Variants in MYO1E observed in about 807,000 individuals in gnomAD.
The protein encoded by MYO1E is unconventional myosin-Ie.
MYO1E carries 68 observed loss-of-function variants against 151.1 expected under a neutral mutation model. The observed-to-expected ratio is 0.45, with a 90% CI of 0.37 to 0.55. MYO1E has a LOEUF of 0.55. MYO1E is among the 20% of genes least tolerant of loss of function. The probability of loss-of-function intolerance (pLI) is 0.00; values close to 1 mark genes in which losing one functional copy is unlikely to be tolerated. For synonymous variants in MYO1E, 601 were observed against 501.7 expected (o/e 1.20, Z -2.64); for missense variants, 1,363 against 1,389.3 (o/e 0.98, Z 0.30).
chr15:59,284,550 A>G (rs1393895505), intron 1 of MYO1E, among the ~76,000 whole-genome samples: 1 of 151,818 alleles, frequency 6.6e-6, no homozygotes, highest in African/African-American at 2.4e-5. Context: ...CCAGGGCTCA[A>G]TTAATCCTCC....
intron 22 of MYO1E, among the ~76,000 whole-genome samples, chr15:59,165,040 C>T (rs1347866448): frequency 1.3e-5 from 2 of 152,228 alleles, no homozygotes; most frequent in Admixed American, 1.3e-4. Context: ...AAAGAAAAGA[C>T]TGGGCCTTCA....
intron 7 of MYO1E, among the ~76,000 whole-genome samples, chr15:59,225,220 T>C (rs1316423828): frequency 6.6e-6 from 1 of 152,268 alleles, no homozygotes; most frequent in Non-Finnish European, 1.5e-5. Flanking sequence ...TGGTACTCTT[T>C]GCCTTCTTTA....
chr15:59,229,833 T>C (rs978303279), intron 6 of MYO1E, among the ~76,000 whole-genome samples: 1 of 152,154 alleles, frequency 6.6e-6, no homozygotes, highest in Non-Finnish European at 1.5e-5. Context: ...CAAACTTTGA[T>C]TTACATACCT....
At chr15:59,234,109 G>T (rs1479607862) in intron 5 of MYO1E, among the ~76,000 whole-genome samples, 1 of 152,036 alleles carries the variant, frequency 6.6e-6, no homozygotes, top group Non-Finnish European at 1.5e-5. Flanking sequence ...AGAGAAAGAG[G>T]CCACTTTAAG....
chr15:59,303,872 G>C (rs1230868327), intron 1 of MYO1E, among the ~76,000 whole-genome samples: 1 of 151,972 alleles, frequency 6.6e-6, no homozygotes, highest in Non-Finnish European at 1.5e-5. Context: ...GGAATATAAT[G>C]GCCCGTTTCC....
chr15:59,310,915 T>C (rs1267837747), intron 1 of MYO1E, among the ~76,000 whole-genome samples: 1 of 152,132 alleles, frequency 6.6e-6, no homozygotes, highest in Non-Finnish European at 1.5e-5. Context: ...GTAGGACAAA[T>C]TCCAAGCAAG....
intron 18 of MYO1E, among the ~76,000 whole-genome samples, chr15:59,180,222 CAT>C (rs1455634423): frequency 3.3e-5 from 5 of 152,192 alleles, no homozygotes; most frequent in Admixed American, 1.3e-4. Flanking sequence ...GAATAACATT[CAT>C]ATATGTTATA....
intron 1 of MYO1E, among the ~76,000 whole-genome samples, chr15:59,317,827 T>C (rs1361866023): frequency 6.6e-6 from 1 of 152,060 alleles, no homozygotes; most frequent in East Asian, 1.9e-4. Flanking sequence ...TCAGGAACTT[T>C]TCTAAGTCCT....
At chr15:59,180,137 T>C (rs755058729) in intron 18 of MYO1E, among the ~76,000 whole-genome samples, 9 of 152,196 alleles carry the variant, frequency 5.9e-5, no homozygotes, top group Non-Finnish European at 1.3e-4. Context: ...CCTAGAGAGG[T>C]AAATCCTCCT....
At chr15:59,178,055 G>A (rs1347567579) in intron 19 of MYO1E, among the ~76,000 whole-genome samples, 1 of 152,208 alleles carries the variant, frequency 6.6e-6, no homozygotes, top group Non-Finnish European at 1.5e-5. Context: ...TGAGGCTTTG[G>A]GTATATAAAC....
chr15:59,191,330 G>C (rs913108214), intron 17 of MYO1E, among the ~76,000 whole-genome samples: 8 of 126,494 alleles, frequency 6.3e-5, no homozygotes, highest in Non-Finnish European at 1.3e-4. Flanking sequence ...GACAGACAGA[G>C]ACAGAGAGAG....
Position 59,208,528 on chromosome 15 carries a change from TA to T in MYO1E, c.1530+152del, listed in dbSNP as rs1179351745. ...ACATACAAAAAAATGCAGTAGTATA[TA>T]CAATCTTTTGTTTTGCTTCCTTTGA... On this transcript the variant is annotated intron_variant, in intron 14 of 27. Coordinates refer to ENST00000288235, the MANE Select transcript of MYO1E (RefSeq NM_004998.4). 1.5e-5 allele frequency: 14 copies of T among 931,300 alleles called. No homozygotes were observed. The Admixed American group carries it at 2.8e-4, about 19-fold the overall frequency. 57.7% of individuals were successfully genotyped at this position (931,300 alleles called of 1,614,324 possible).
chr15:59,132,546 C>T lies in MYO1E; in HGVS notation c.*4834G>A, dbSNP rs2079351475. 3.3e-5 allele frequency: 5 copies of T among 152,182 alleles called. No individual in the cohort carries two copies. The highest frequency in any genetic ancestry group is 3.3e-4 in the Admixed American group (5 of 15,278). The allele number at this position is 152,182 out of a possible 1,614,324, so 9.4% of individuals were successfully genotyped here. ...TAAGATACTTTCTTAGATGGCACAGCAGGCACCCCAAACTAAAATGTCATA... is the reference window on the plus strand; with the variant it reads ...TAAGATACTTTCTTAGATGGCACAGTAGGCACCCCAAACTAAAATGTCATA... On this transcript the variant is annotated 3_prime_UTR_variant, in exon 28 of 28. Transcript: ENST00000288235.
intron 26 of MYO1E, among the ~76,000 whole-genome samples, chr15:59,145,626 A>G (rs1215927564): frequency 6.6e-6 from 1 of 151,924 alleles, no homozygotes; most frequent in African/African-American, 2.4e-5. Flanking sequence ...TCCTGGCCTC[A>G]AGTGATCCAC....
At chr15:59,268,853 T>C (rs1362501692) in intron 2 of MYO1E, among the ~76,000 whole-genome samples, 2 of 151,556 alleles carry the variant, frequency 1.3e-5, no homozygotes, top group Non-Finnish European at 2.9e-5. Flanking sequence ...TTCTGGTGTT[T>C]TGGGAGTAAA....
chr15:59,262,613 C>T (rs770298611), intron 2 of MYO1E, among the ~76,000 whole-genome samples: 35 of 151,934 alleles, frequency 2.3e-4, no homozygotes, highest in South Asian at 8.3e-4. Context: ...ATCACGTCAC[C>T]GCATTCCAGC....
Position 59,214,616 on chromosome 15 carries a change from C to G in MYO1E, c.1188+24G>C, listed in dbSNP as rs199570761. On this transcript the variant is annotated intron_variant, in intron 11 of 27. Coordinates refer to ENST00000288235, the MANE Select transcript of MYO1E (RefSeq NM_004998.4). ...ATGAAATACGTCACCCTCCTCAACC[C>G]CTAGTTATTAAAACTGGCCTTACCT... The G allele has an allele frequency of 1.9e-6, 3 of 1,563,544 alleles. No homozygotes were observed. The African/African-American group carries it at 4.1e-5, about 21-fold the overall frequency.
intron 1 of MYO1E, among the ~76,000 whole-genome samples, chr15:59,310,492 G>A (rs570386566): frequency 8.5e-5 from 13 of 152,262 alleles, no homozygotes; most frequent in African/African-American, 2.2e-4. Flanking sequence ...TGATGATGGA[G>A]GCAGAGATTG....
At chr15:59,240,150 G>C (rs1053951057) in intron 4 of MYO1E, among the ~76,000 whole-genome samples, 1 of 152,158 alleles carries the variant, frequency 6.6e-6, no homozygotes, top group Non-Finnish European at 1.5e-5. Flanking sequence ...CCCAAATCTG[G>C]CAGTCTATCA....
Sources: allele counts gnomAD v4.1 joint callset (sites outside exome capture counted in the v4.1 genomes callset), GRCh38; gene constraint gnomAD v4.1.1; transcripts MANE v1.5; gene names NCBI Gene and HGNC (gene_info 2026-07-23, HGNC 2026-07-21).